The following CCN4 variants were observed in gnomAD, a reference collection of about 807,000 sequenced individuals.
CCN4 encodes the protein cellular communication network factor 4.
A neutral mutation model predicts 36.7 loss-of-function variants in CCN4; 30 were observed. The ratio of observed to expected loss-of-function variants is 0.82; its 90% confidence interval spans 0.61 to 1.11. The LOEUF is 1.11. Ranked by LOEUF, CCN4 falls within the 50% of genes least tolerant of loss-of-function variation. The probability of loss-of-function intolerance (pLI) is 0.00; values close to 1 mark genes in which losing one functional copy is unlikely to be tolerated. For synonymous variants in CCN4, 191 were observed against 195.4 expected (o/e 0.98, Z 0.19); for missense variants, 505 against 504.9 (o/e 1.00, Z 0.00).
chr8:133,195,142 G>A (rs973030527), intron 1 of CCN4, among the ~76,000 whole-genome samples: 1 of 148,736 alleles, frequency 6.7e-6, no homozygotes, highest in South Asian at 2.1e-4. Flanking sequence ...GAGCATGTTT[G>A]TGGTGTGTGT....
At chr8:133,225,262 G>T in intron 3 of CCN4, 128 bp from the exon 4 acceptor site, 1 of 924,716 alleles carries the variant, frequency 1.1e-6, no homozygotes, top group Non-Finnish European at 1.6e-6. Flanking sequence ...TTGCTGTCCT[G>T]TGGGGAGGTA....
At chr8:133,204,187 T>C (rs1853684793) in intron 1 of CCN4, among the ~76,000 whole-genome samples, 1 of 152,202 alleles carries the variant, frequency 6.6e-6, no homozygotes, top group Non-Finnish European at 1.5e-5. Context: ...CTTTTGGTTG[T>C]CTCCCATTTT....
chr8:133,218,080 T>C (rs1448511275), intron 2 of CCN4, among the ~76,000 whole-genome samples: 1 of 152,180 alleles, frequency 6.6e-6, no homozygotes, highest in East Asian at 1.9e-4. Context: ...TTCACTGGTG[T>C]CTGGTGGCAG....
chr8:133,219,340 T>G (rs1335951637), intron 2 of CCN4, among the ~76,000 whole-genome samples: 1 of 152,078 alleles, frequency 6.6e-6, no homozygotes, highest in Non-Finnish European at 1.5e-5. Flanking sequence ...GTCTTTTTAC[T>G]TAAGTGGGCC....
At chr8:133,214,483 T>C (rs865965008) in intron 2 of CCN4, among the ~76,000 whole-genome samples, 1 of 152,016 alleles carries the variant, frequency 6.6e-6, no homozygotes, top group Non-Finnish European at 1.5e-5. Context: ...CTTGGTGTAT[T>C]CTGATATCCT....
intron 1 of CCN4, among the ~76,000 whole-genome samples, chr8:133,197,757 G>C (rs1043633405): frequency 6.6e-6 from 1 of 151,984 alleles, no homozygotes; most frequent in Non-Finnish European, 1.5e-5. Context: ...TTAGGGGTAG[G>C]GGGTAGGGTG....
At chr8:133,203,467 C>T (rs1469613768) in intron 1 of CCN4, among the ~76,000 whole-genome samples, 1 of 152,188 alleles carries the variant, frequency 6.6e-6, no homozygotes, top group African/African-American at 2.4e-5. Context: ...AGACCACCTT[C>T]CAGCTGCGAG....
chr8:133,200,871 G>A (rs978373696), intron 1 of CCN4, among the ~76,000 whole-genome samples: 6 of 152,126 alleles, frequency 3.9e-5, no homozygotes, highest in African/African-American at 1.2e-4. Context: ...TGGTCATCAC[G>A]TGTCATGCCA....
chr8:133,219,408 C>T (rs924372025), intron 2 of CCN4, among the ~76,000 whole-genome samples: 2 of 152,216 alleles, frequency 1.3e-5, no homozygotes, highest in African/African-American at 4.8e-5. Flanking sequence ...TCCTCACCTC[C>T]TTCAGGCTTT....
At chr8:133,193,005 C>T (rs1853171608) in intron 1 of CCN4, among the ~76,000 whole-genome samples, 1 of 152,228 alleles carries the variant, frequency 6.6e-6, no homozygotes, top group Non-Finnish European at 1.5e-5. Flanking sequence ...CCACCCCATG[C>T]TTGTTTCATG....
chr8:133,205,572 G>A (rs926600137), intron 1 of CCN4, among the ~76,000 whole-genome samples: 2 of 152,210 alleles, frequency 1.3e-5, no homozygotes, highest in African/African-American at 4.8e-5. Flanking sequence ...TGGTGGGTAA[G>A]AAGATAGCCG....
chr8:133,213,143 C>A lies in CCN4; in HGVS notation c.349C>A (p.Gln117Lys), dbSNP rs980801009. 6.8e-7 allele frequency: 1 copy of A among 1,459,874 alleles called. No individual in the cohort carries two copies. The highest frequency in any genetic ancestry group is 9.0e-7 in the Non-Finnish European group (1 of 1,106,516). The allele number at this position is 1,459,874 out of a possible 1,614,324, so 90.4% of individuals were successfully genotyped here. A position where few individuals can be genotyped will look rare whatever the true frequency, so the allele number is the denominator to read the frequency against. The change falls in exon 2 of 5, where the codon CAG (glutamine) becomes AAG (lysine). Residue 117 changes from glutamine to lysine, a missense_variant and splice_region_variant. Coordinates refer to ENST00000250160, the MANE Select transcript of CCN4 (RefSeq NM_003882.4). ...RPRYAIGVCAQVVGVGCVLDG... is the reference protein window; with the variant it reads ...RPRYAIGVCAKVVGVGCVLDG... ...GAGGTACGCAATAGGAGTGTGTGCA[C>A]GTAAGTGAGTCCTCCATACCTTCTG...
At chr8:133,205,539 G>A (rs1853740156) in intron 1 of CCN4, among the ~76,000 whole-genome samples, 1 of 152,174 alleles carries the variant, frequency 6.6e-6, no homozygotes, top group Admixed American at 6.5e-5. Context: ...AACAGGCCCA[G>A]GCACCCCAGC....
intron 3 of CCN4, among the ~76,000 whole-genome samples, chr8:133,221,919 AG>A (rs1326064802): frequency 6.8e-6 from 1 of 146,784 alleles, no homozygotes; most frequent in African/African-American, 2.5e-5. Flanking sequence ...GGATGGATGG[AG>A]GATGGATGGA....
chr8:133,227,515 T>G lies in CCN4; in HGVS notation c.909T>G (p.Val303=), dbSNP rs747615465. The change falls in exon 5 of 5, where the codon GTT becomes GTG. Residue 303 remains valine (V), a synonymous_variant. Coordinates refer to ENST00000250160, the MANE Select transcript of CCN4 (RefSeq NM_003882.4). ...TRSYQPKYCG[V]CMDNRCCIPY... ...CCTATCAACCCAAGTACTGTGGAGT[T>G]TGCATGGACAATAGGTGCTGCATCC... The G allele has an allele frequency of 4.3e-6, 7 of 1,614,082 alleles. No individual in the cohort carries two copies. Among genetic ancestry groups the G allele is most frequent in the Non-Finnish European group, 5.1e-6 (6 of 1,180,040 alleles).
chr8:133,195,835 G>T (rs978253631), intron 1 of CCN4, among the ~76,000 whole-genome samples: 2 of 152,204 alleles, frequency 1.3e-5, no homozygotes, highest in Non-Finnish European at 2.9e-5. Context: ...ATGCCAGGAG[G>T]CTGCCCTTGG....
chr8:133,208,499 A>G (rs1853864988), intron 1 of CCN4, among the ~76,000 whole-genome samples: 2 of 152,092 alleles, frequency 1.3e-5, no homozygotes, highest in Non-Finnish European at 1.5e-5. Context: ...CTCAGCCCAA[A>G]CCAAGGCATT....
chr8:133,229,324 T>G lies in CCN4; in HGVS notation c.*1614T>G, dbSNP rs1854868385. The G allele has an allele frequency of 6.6e-6, 1 of 152,240 alleles. No homozygotes were observed. Among genetic ancestry groups the G allele is most frequent in the Non-Finnish European group, 1.5e-5 (1 of 68,042 alleles). The allele number at this position is 152,240 out of a possible 1,614,324, so 9.4% of individuals were successfully genotyped here. A position where few individuals can be genotyped will look rare whatever the true frequency, so the allele number is the denominator to read the frequency against. ...AACATTGCAATAAATGGCTTGATTT[T>G]TTAATGTCATTTTTCCCTCTTATAG... On this transcript the variant is annotated 3_prime_UTR_variant, in exon 5 of 5. Coordinates refer to ENST00000250160, the MANE Select transcript of CCN4 (RefSeq NM_003882.4).
intron 1 of CCN4, among the ~76,000 whole-genome samples, chr8:133,196,550 A>G (rs1853391755): frequency 6.6e-6 from 1 of 152,194 alleles, no homozygotes; most frequent in South Asian, 2.1e-4. Context: ...CGGCCTAGAA[A>G]GACACAAGTG....
Sources: gnomAD v4.1 joint callset for allele counts (sites outside exome capture counted in the v4.1 genomes callset) on GRCh38, gnomAD v4.1.1 for gene constraint, MANE v1.5 for transcripts, NCBI Gene and HGNC (gene_info 2026-07-23, HGNC 2026-07-21) for gene names.